Variants in PSD3 observed in about 807,000 individuals in gnomAD.
PSD3 encodes the protein PH and SEC7 domain-containing protein 3.
In PSD3, 49 loss-of-function variants were observed where a neutral mutation model predicts 105.5. The ratio of observed to expected loss-of-function variants is 0.46; its 90% CI spans 0.37 to 0.59. PSD3 has a LOEUF of 0.59. Among genes scored for constraint, PSD3 ranks in the 20% least tolerant of loss-of-function variants. The pLI, the probability that PSD3 is intolerant of heterozygous loss-of-function variation, is 0.00. For missense variants in PSD3, 1,561 were observed against 1,263.8 expected (o/e 1.24, Z -3.57); for synonymous variants, 557 against 457.8 (o/e 1.22, Z -2.77).
intron 1 of PSD3, among the ~76,000 whole-genome samples, chr8:18,987,264 A>ATTTCTTT (rs1825549391): frequency 6.7e-6 from 1 of 149,910 alleles, no homozygotes; most frequent in Non-Finnish European, 1.5e-5. Flanking sequence ...TTTTAGAGAA[A>ATTTCTTT]TTTATTTTCT....
At chr8:18,688,567 T>C (rs570890856) in intron 9 of PSD3, among the ~76,000 whole-genome samples, 52 of 152,354 alleles carry the variant, frequency 3.4e-4, no homozygotes, top group Admixed American at 2.4e-3. Context: ...GCTACAATAA[T>C]GATGCAGTGA....
intron 15 of PSD3, among the ~76,000 whole-genome samples, chr8:18,550,143 G>A (rs1419321281): frequency 6.6e-6 from 1 of 152,204 alleles, no homozygotes; most frequent in Admixed American, 6.5e-5. Flanking sequence ...GATTGATGAA[G>A]GAGGGATTTA....
At chr8:18,829,449 A>G (rs1022417084) in intron 4 of PSD3, among the ~76,000 whole-genome samples, 4 of 152,172 alleles carry the variant, frequency 2.6e-5, no homozygotes, top group African/African-American at 9.7e-5. Flanking sequence ...CCCTTTATCT[A>G]AAACGTTCTA....
chr8:18,595,595 C>T (rs1315409499), intron 12 of PSD3, among the ~76,000 whole-genome samples: 1 of 151,676 alleles, frequency 6.6e-6, no homozygotes, highest in Admixed American at 6.6e-5. Context: ...AAAAATATTG[C>T]ATGCAATTGG....
intron 9 of PSD3, among the ~76,000 whole-genome samples, chr8:18,703,830 G>A (rs1471402852): frequency 6.6e-6 from 1 of 152,142 alleles, no homozygotes; most frequent in African/African-American, 2.4e-5. Context: ...GAATCTCAAT[G>A]CTATCATTTT....
intron 2 of PSD3, among the ~76,000 whole-genome samples, chr8:18,887,956 G>C (rs948419664): frequency 2.0e-5 from 3 of 152,140 alleles, no homozygotes; most frequent in Non-Finnish European, 4.4e-5. Flanking sequence ...TTTTATAGAT[G>C]AAACTACTAA....
intron 9 of PSD3, chr8:18,733,409 T>A (rs915419530): frequency 2.0e-5 from 3 of 152,602 alleles, no homozygotes; most frequent in East Asian, 3.9e-4. Context: ...ACATCCTTTA[T>A]CCTGCACTAA....
At chr8:19,015,077 T>A (rs1038918680), upstream of PSD3, among the ~76,000 whole-genome samples, 14 of 152,124 alleles carry the variant, frequency 9.2e-5, no homozygotes, top group African/African-American at 3.4e-4. Context: ...GAATTGTAAG[T>A]CCCGCAGTTC....
chr8:18,623,645 G>GA (rs34586066), intron 11 of PSD3, among the ~76,000 whole-genome samples: 12,241 of 101,256 alleles, frequency 0.12, 578 homozygotes, highest in South Asian at 0.18. Flanking sequence ...CTCCATCTCA[G>GA]AAAAAAAAAA....
At chr8:18,561,508 A>G (rs1272756732) in intron 14 of PSD3, among the ~76,000 whole-genome samples, 1 of 152,130 alleles carries the variant, frequency 6.6e-6, no homozygotes, top group Non-Finnish European at 1.5e-5. Flanking sequence ...GATGAAAAAT[A>G]TCAGACAAGA....
intron 1 of PSD3, among the ~76,000 whole-genome samples, chr8:19,054,615 A>G (rs182793947): frequency 1.7e-4 from 26 of 152,272 alleles, no homozygotes; most frequent in South Asian, 4.1e-4. Context: ...TAAAGAATCT[A>G]CCTTTGGATA....
chr8:18,908,662 T>A (rs770769719), intron 2 of PSD3, among the ~76,000 whole-genome samples: 1 of 152,200 alleles, frequency 6.6e-6, no homozygotes, highest in Non-Finnish European at 1.5e-5. Flanking sequence ...AAACAAGTCA[T>A]CTGTTCATGA....
chr8:19,076,755 C>A (rs1313682892), intron 1 of PSD3, among the ~76,000 whole-genome samples: 1 of 152,098 alleles, frequency 6.6e-6, no homozygotes, highest in Non-Finnish European at 1.5e-5. Context: ...GTTAAAAGAA[C>A]CCGCATGCTT....
At chr8:18,918,229 A>T (rs1820751228) in intron 2 of PSD3, among the ~76,000 whole-genome samples, 1 of 152,182 alleles carries the variant, frequency 6.6e-6, no homozygotes, top group Non-Finnish European at 1.5e-5. Flanking sequence ...TCTGCACAAC[A>T]CCACAGCTTT....
At chr8:18,662,719 C>A (rs1461925736) in intron 9 of PSD3, among the ~76,000 whole-genome samples, 1 of 152,202 alleles carries the variant, frequency 6.6e-6, no homozygotes, top group African/African-American at 2.4e-5. Flanking sequence ...TTAGCTATCA[C>A]CCAGCCAAAC....
chr8:18,874,696 C>T (rs1050494541), intron 2 of PSD3, among the ~76,000 whole-genome samples: 6 of 123,582 alleles, frequency 4.9e-5, no homozygotes, highest in African/African-American at 2.0e-4. Context: ...GAGCAAGACT[C>T]CATCTCAAAA....
At chr8:18,749,111 G>T (rs912081575) in intron 9 of PSD3, among the ~76,000 whole-genome samples, 2 of 152,152 alleles carry the variant, frequency 1.3e-5, no homozygotes, top group African/African-American at 4.8e-5. Context: ...TCTTCTTGAC[G>T]TTCCTCTTAT....
At position 18,653,767 on chromosome 8, in the gene PSD3, TA is replaced by T. The variant is rs996302527; in HGVS notation, c.2216+1874del. ...ATAAATAAAATCTGCTGTAACAAATTAAAAAAAAAAACCTAGATTTACAAAA... is the reference window on the plus strand; with the variant it reads ...ATAAATAAAATCTGCTGTAACAAATTAAAAAAAAAACCTAGATTTACAAAA... On this transcript the variant is annotated intron_variant, in intron 10 of 15. Coordinates refer to ENST00000327040, the MANE Select transcript of PSD3 (RefSeq NM_015310.4). Among the ~76,000 whole-genome samples the T allele has an allele frequency of 2.9e-3, 422 of 146,782 alleles. 1 individual carries two copies. The highest frequency in any genetic ancestry group is 3.6e-3 in the Non-Finnish European group (237 of 66,246).
At chr8:18,906,184 A>C (rs1187856462) in intron 2 of PSD3, among the ~76,000 whole-genome samples, 1 of 152,156 alleles carries the variant, frequency 6.6e-6, no homozygotes, top group Non-Finnish European at 1.5e-5. Context: ...CTCCTGACAA[A>C]AAATATCAGA....
Sources: allele counts gnomAD v4.1 joint callset (sites outside exome capture counted in the v4.1 genomes callset), GRCh38; gene constraint gnomAD v4.1.1; transcripts MANE v1.5; gene names NCBI Gene and HGNC (gene_info 2026-07-23, HGNC 2026-07-21).